Variants in KIF27 observed in about 807,000 individuals in gnomAD.
KIF27 encodes the protein kinesin family member 27.
A neutral mutation model predicts 141.8 loss-of-function variants in KIF27; 84 were observed. That is an observed-to-expected ratio of 0.59 (90% CI 0.50 to 0.71). The LOEUF is 0.71. Ranked by LOEUF, KIF27 falls within the 30% of genes least tolerant of loss-of-function variation. The pLI is 0.00. For missense variants in KIF27, 1,306 were observed against 1,628.4 expected (o/e 0.80, Z 3.41); for synonymous variants, 471 against 569.5 (o/e 0.83, Z 2.46).
chr9:83,897,755 G>A lies in KIF27; in HGVS notation c.1602+1906C>T, dbSNP rs1588229535. 3.3e-5 allele frequency among the ~76,000 whole-genome samples: 5 copies of A among 151,944 alleles called. No individual in the cohort carries two copies. The South Asian group carries it at 1.0e-3, about 32-fold the overall frequency. ...CAACAAACTTCTACAAATTAATCTA[G>A]AAGACAGGTAACTCAATAGAAAAAC... On this transcript the variant is annotated intron_variant, in intron 5 of 17. Coordinates refer to ENST00000297814, the MANE Select transcript of KIF27 (RefSeq NM_017576.4).
chr9:83,893,707 TAGC>T (rs922556470), intron 5 of KIF27, among the ~76,000 whole-genome samples: 1 of 151,838 alleles, frequency 6.6e-6, no homozygotes, highest in Non-Finnish European at 1.5e-5. Context: ...GTTAAAAAGA[TAGC>T]AGGAGGTTAC....
intron 2 of KIF27, among the ~76,000 whole-genome samples, chr9:83,912,534 A>C (rs1254308451): frequency 6.6e-6 from 1 of 152,242 alleles, no homozygotes; most frequent in Non-Finnish European, 1.5e-5. Context: ...ATAATTGACC[A>C]GAAATAGTTC....
At chr9:83,841,994 G>T (rs1946626768) in intron 17 of KIF27, among the ~76,000 whole-genome samples, 1 of 152,126 alleles carries the variant, frequency 6.6e-6, no homozygotes, top group African/African-American at 2.4e-5. Flanking sequence ...ATGAGATAAG[G>T]TCTACAAGCC....
intron 9 of KIF27, among the ~76,000 whole-genome samples, chr9:83,885,668 G>A (rs1952036981): frequency 6.6e-6 from 1 of 152,002 alleles, no homozygotes; most frequent in Non-Finnish European, 1.5e-5. Flanking sequence ...GTCTTGCTCT[G>A]TCACCTAGGC....
intron 5 of KIF27, among the ~76,000 whole-genome samples, chr9:83,895,522 A>G (rs924233113): frequency 6.6e-6 from 1 of 152,180 alleles, no homozygotes; most frequent in African/African-American, 2.4e-5. Context: ...CACCACTTGT[A>G]TTCAACACTG....
intron 2 of KIF27, among the ~76,000 whole-genome samples, chr9:83,909,019 T>C (rs1954867617): frequency 1.3e-5 from 2 of 152,206 alleles, no homozygotes; most frequent in African/African-American, 4.8e-5. Context: ...TGAACAAGTA[T>C]TTATTTAGTA....
chr9:83,847,015 G>T (rs1037046739), intron 16 of KIF27, among the ~76,000 whole-genome samples: 4 of 152,158 alleles, frequency 2.6e-5, no homozygotes, highest in Admixed American at 2.6e-4. Flanking sequence ...GCGTCGCTTA[G>T]TATTACCATG....
At chr9:83,865,716 A>G (rs1950302963) in intron 13 of KIF27, among the ~76,000 whole-genome samples, 1 of 152,154 alleles carries the variant, frequency 6.6e-6, no homozygotes, top group Non-Finnish European at 1.5e-5. Context: ...AGTTTTTTTC[A>G]GCTTCTTGCT....
At chr9:83,843,049 T>A (rs1946777862) in intron 16 of KIF27, among the ~76,000 whole-genome samples, 1 of 151,724 alleles carries the variant, frequency 6.6e-6, no homozygotes, top group Non-Finnish European at 1.5e-5. Flanking sequence ...GGAACTCTGT[T>A]CATTGGCTGC....
intron 16 of KIF27, among the ~76,000 whole-genome samples, chr9:83,844,281 A>C (rs1946934680): frequency 1.1e-5 from 1 of 93,734 alleles, no homozygotes; most frequent in African/African-American, 5.6e-5. Flanking sequence ...GTAAGTTAAT[A>C]ATAAACTCCC....
chr9:83,872,899 T>C (rs1284700487), intron 11 of KIF27, among the ~76,000 whole-genome samples: 1 of 152,164 alleles, frequency 6.6e-6, no homozygotes, highest in African/African-American at 2.4e-5. Context: ...CCCACACCCA[T>C]ATACAATTGC....
chr9:83,872,427 A>G (rs918324540), intron 11 of KIF27, among the ~76,000 whole-genome samples: 25 of 152,210 alleles, frequency 1.6e-4, no homozygotes, highest in Non-Finnish European at 3.1e-4. Flanking sequence ...CCATGAGTCA[A>G]AGCTGGACAG....
In KIF27 at chr9:83,908,215, T is replaced by C. The variant is rs544147678; in HGVS notation, c.499+237A>G. ...AGGTAGAGGTTGCAGTGAGCCAAGA[T>C]CGCACCACTACACTCTAGCCTGGCT... On this transcript the variant is annotated intron_variant, in intron 3 of 17. Transcript: ENST00000297814. Among the ~76,000 whole-genome samples the C allele has an allele frequency of 4.4e-5, 6 of 137,032 alleles. No homozygotes were observed. The East Asian group carries it at 1.3e-3, about 29-fold the overall frequency. The allele number at this position is 137,032 out of a possible 152,430, so 89.9% of individuals were successfully genotyped here.
chr9:83,870,133 A>ATCTATCTC (rs908138955), intron 12 of KIF27, among the ~76,000 whole-genome samples: 3 of 149,046 alleles, frequency 2.0e-5, no homozygotes, highest in Non-Finnish European at 4.5e-5. Context: ...TTTTACATCT[A>ATCTATCTC]TCTATCTCTC....
intron 7 of KIF27, 30 bp downstream of exon 7, chr9:83,889,054 A>G (rs200078410): frequency 1.3e-6 from 2 of 1,581,282 alleles, no homozygotes; most frequent in Non-Finnish European, 8.6e-7. Flanking sequence ...AATTCTAAAT[A>G]TTTATTAAAT....
At chr9:83,876,072 G>A (rs1410661132) in intron 11 of KIF27, among the ~76,000 whole-genome samples, 1 of 152,094 alleles carries the variant, frequency 6.6e-6, no homozygotes, top group African/African-American at 2.4e-5. Flanking sequence ...AGTATTGCCT[G>A]AATATAAATC....
At chr9:83,852,169 G>A (rs1948671093) in intron 15 of KIF27, among the ~76,000 whole-genome samples, 1 of 151,770 alleles carries the variant, frequency 6.6e-6, no homozygotes, top group Non-Finnish European at 1.5e-5. Context: ...TATCAGCCTG[G>A]GCGCGGTGGC....
At chr9:83,913,831 CAAGT>C (rs1407325646) in intron 2 of KIF27, among the ~76,000 whole-genome samples, 3 of 152,206 alleles carry the variant, frequency 2.0e-5, no homozygotes, top group Non-Finnish European at 2.9e-5. Context: ...AAAAACCACA[CAAGT>C]GAGTAATATG....
rs148652153 is a variant in KIF27, at chr9:83,844,686, A to G, written c.3557-2285T>C. On this transcript the variant is annotated intron_variant, in intron 16 of 17. Transcript: ENST00000297814. ...GTGTAATAAATTTGACCATATGTGG[A>G]GAACCAAGGAACATAATGAAGCTGG... Among the ~76,000 whole-genome samples, 915 of 152,322 alleles carry G rather than the reference A, an allele frequency of 6.0e-3. 10 individuals are homozygous for G. The highest frequency in any genetic ancestry group is 0.021 in the African/African-American group (868 of 41,562).
Sources: gnomAD v4.1 joint callset for allele counts (sites outside exome capture counted in the v4.1 genomes callset) on GRCh38, gnomAD v4.1.1 for gene constraint, MANE v1.5 for transcripts, NCBI Gene and HGNC (gene_info 2026-07-23, HGNC 2026-07-21) for gene names.